CXADR: variants seen among roughly 807,000 people sequenced by gnomAD.
CXADR encodes CXADR cell adhesion molecule.
CXADR carries 20 observed loss-of-function variants against 40.3 expected under a neutral mutation model. The ratio of observed to expected loss-of-function variants is 0.50; its 90% CI spans 0.35 to 0.72. CXADR has a LOEUF of 0.72. Among genes scored for constraint, CXADR ranks in the 30% least tolerant of loss-of-function variants. The pLI is 0.01. For missense variants in CXADR, 332 were observed against 449.1 expected (o/e 0.74, Z 2.36); for synonymous variants, 150 against 161.3 (o/e 0.93, Z 0.53).
chr21:17,615,834 AG>A, the CXADR span, among the ~76,000 whole-genome samples: 2 of 152,232 alleles, frequency 1.3e-5, no homozygotes, highest in African/African-American at 4.8e-5. Context: ...GTTGTGTCTC[AG>A]AGTTGCAGAG....
chr21:17,519,567 T>C (rs1342531954), intron 1 of CXADR, among the ~76,000 whole-genome samples: 1 of 152,222 alleles, frequency 6.6e-6, no homozygotes, highest in Non-Finnish European at 1.5e-5. Context: ...TCTTTGGAAC[T>C]CCTTGACACC....
At chr21:17,574,481 AAGCT>A (rs2061304397), downstream of CXADR, among the ~76,000 whole-genome samples, 1 of 152,162 alleles carries the variant, frequency 6.6e-6, no homozygotes, top group African/African-American at 2.4e-5. Context: ...TTATGATACT[AAGCT>A]AGGAAAGACA....
chr21:17,566,631 A>AT lies in CXADR; in HGVS notation c.*943dup, dbSNP rs1349352870. 11 of 984,592 alleles carry AT rather than the reference A, an allele frequency of 1.1e-5. No homozygotes were observed. The highest frequency in any genetic ancestry group is 1.3e-5 in the Non-Finnish European group (11 of 829,314). 61.0% of individuals were successfully genotyped at this position (984,592 alleles called of 1,614,324 possible). Reference sequence around the variant, plus strand: ...ATTGAAATTTCCTAATTTATTCTAAATTTTAAGTGGTTCTTTGGTTCCAGT... The same window carrying AT: ...ATTGAAATTTCCTAATTTATTCTAAATTTTTAAGTGGTTCTTTGGTTCCAGT... On this transcript the variant is annotated 3_prime_UTR_variant, in exon 7 of 7. Coordinates refer to ENST00000284878, the MANE Select transcript of CXADR (RefSeq NM_001338.5).
chr21:17,534,072 A>ACACATATATATAGCTATATATATATACC (rs2060717391), intron 1 of CXADR, among the ~76,000 whole-genome samples: 1 of 87,482 alleles, frequency 1.1e-5, no homozygotes, highest in Non-Finnish European at 2.5e-5. Context: ...ATATATATAC[A>ACACATATATATAGCTATATATATATACC]CACACACACA....
chr21:17,598,844 C>T, the CXADR span: 2 of 1,593,678 alleles, frequency 1.3e-6, no homozygotes, highest in South Asian at 2.3e-5. Flanking sequence ...AAATTAAAAA[C>T]TTACAAATCT....
At chr21:17,628,134 G>A in the CXADR span, among the ~76,000 whole-genome samples, 1 of 152,252 alleles carries the variant, frequency 6.6e-6, no homozygotes, top group Middle Eastern at 3.4e-3. Flanking sequence ...TTTAAAAGAA[G>A]CATCTACTCT....
chr21:17,614,409 A>G, the CXADR span, among the ~76,000 whole-genome samples: 26,101 of 152,154 alleles, frequency 0.17, 2,574 homozygotes, highest in East Asian at 0.22. Flanking sequence ...TATTCAAAAA[A>G]TACAGGCAAG....
chr21:17,546,301 A>G (rs1486778264), intron 1 of CXADR, among the ~76,000 whole-genome samples: 2 of 152,222 alleles, frequency 1.3e-5, no homozygotes, highest in African/African-American at 4.8e-5. Flanking sequence ...GTGAGCATGA[A>G]TTAATGTAGC....
chr21:17,611,108 C>T, the CXADR span, among the ~76,000 whole-genome samples: 1 of 152,234 alleles, frequency 6.6e-6, no homozygotes, highest in African/African-American at 2.4e-5. Context: ...ACCACGACTG[C>T]TGTGCAGCCT....
At chr21:17,622,307 C>T in the CXADR span, among the ~76,000 whole-genome samples, 1 of 152,096 alleles carries the variant, frequency 6.6e-6, no homozygotes, top group South Asian at 2.1e-4. Flanking sequence ...AGCTCAAAAC[C>T]TGGACTGTAG....
chr21:17,611,779 G>A, the CXADR span: 7 of 152,376 alleles, frequency 4.6e-5, no homozygotes, highest in African/African-American at 1.7e-4. Context: ...TCACGGCTGC[G>A]TGGATAAAAC....
intron 7 of CXADR, among the ~76,000 whole-genome samples, chr21:17,592,024 G>C (rs904477830): frequency 6.6e-6 from 1 of 151,938 alleles, no homozygotes; most frequent in Middle Eastern, 3.4e-3. Context: ...AACACTGGCA[G>C]AATCTTCTAT....
chr21:17,549,222 T>G (rs1265836238), intron 2 of CXADR, among the ~76,000 whole-genome samples: 1 of 152,130 alleles, frequency 6.6e-6, no homozygotes, highest in Non-Finnish European at 1.5e-5. Flanking sequence ...GCCCAGAGAT[T>G]TTCATGCCCA....
At chr21:17,524,408 A>C (rs572292071) in intron 1 of CXADR, among the ~76,000 whole-genome samples, 8 of 151,414 alleles carry the variant, frequency 5.3e-5, no homozygotes, top group African/African-American at 1.7e-4. Context: ...CTAAAAATAC[A>C]AAAATCAGCT....
At chr21:17,555,136 G>A (rs1207346515) in intron 3 of CXADR, among the ~76,000 whole-genome samples, 1 of 152,180 alleles carries the variant, frequency 6.6e-6, no homozygotes, top group Non-Finnish European at 1.5e-5. Context: ...ATATATCACG[G>A]GCACCTTCCC....
At chr21:17,550,601 G>C (rs1053747554) in intron 2 of CXADR, among the ~76,000 whole-genome samples, 5 of 152,180 alleles carry the variant, frequency 3.3e-5, no homozygotes, top group Non-Finnish European at 7.3e-5. Flanking sequence ...TGGCATCACT[G>C]CTCTTTGGCC....
intron 7 of CXADR, among the ~76,000 whole-genome samples, chr21:17,584,553 C>T (rs184079089): frequency 2.0e-5 from 3 of 152,186 alleles, no homozygotes; most frequent in African/African-American, 4.8e-5. Context: ...GCCCCTAGGC[C>T]GGGCGTGATG....
intron 1 of CXADR, among the ~76,000 whole-genome samples, chr21:17,541,469 A>C (rs961283246): frequency 6.6e-6 from 1 of 151,780 alleles, no homozygotes; most frequent in African/African-American, 2.4e-5. Context: ...GAGGCAGGAG[A>C]ATGGCGTGAA....
downstream of CXADR, among the ~76,000 whole-genome samples, chr21:17,570,626 C>T (rs939944846): frequency 2.8e-4 from 42 of 152,224 alleles, no homozygotes; most frequent in Non-Finnish European, 4.6e-4. Flanking sequence ...TGATCACTTC[C>T]CAGAGGGGCC....
Sources: gnomAD v4.1 joint callset for allele counts (sites outside exome capture counted in the v4.1 genomes callset) on GRCh38, gnomAD v4.1.1 for gene constraint, MANE v1.5 for transcripts, NCBI Gene and HGNC (gene_info 2026-07-23, HGNC 2026-07-21) for gene names.